ERICH6: variants seen among roughly 807,000 people sequenced by gnomAD.
ERICH6 encodes glutamate-rich protein 6.
ERICH6 carries 71 observed loss-of-function variants against 71.0 expected under a neutral mutation model. That is an observed-to-expected ratio of 1.00 (90% confidence interval 0.83 to 1.22). The LOEUF (loss-of-function observed/expected upper bound fraction) is 1.22. ERICH6 is among the 50% of genes most tolerant of loss of function. The pLI is 0.00. For missense variants in ERICH6, 808 were observed against 797.2 expected (o/e 1.01, Z -0.16); for synonymous variants, 262 against 278.4 (o/e 0.94, Z 0.59).
At chr3:150,661,851 A>G (rs943879380) in intron 13 of ERICH6, among the ~76,000 whole-genome samples, 11 of 152,146 alleles carry the variant, frequency 7.2e-5, no homozygotes, top group African/African-American at 2.7e-4. Context: ...ACTACACTCC[A>G]GCCTGGGTGA....
At chr3:150,682,124 T>G in intron 7 of ERICH6, 94 bp downstream of exon 7, 1 of 1,126,160 alleles carries the variant, frequency 8.9e-7, no homozygotes, top group Non-Finnish European at 1.3e-6. Context: ...CTAACTCTTT[T>G]AAAAATGGCA....
Position 150,680,828 on chromosome 3 carries a change from C to T in ERICH6, c.985G>A (p.Ala329Thr), listed in dbSNP as rs146843204. ...CTGTCGACCTCACTACCATGGGCTGCATGAGGGTCAATAGCAATTAATTCA... is the reference window on the plus strand; with the variant it reads ...CTGTCGACCTCACTACCATGGGCTGTATGAGGGTCAATAGCAATTAATTCA... ...KAELIAIDPH[A>T]AHGSEVDRLK... Residue 329 changes from alanine (A) to threonine (T), a missense_variant, in exon 8 of 14, where the codon GCA (alanine) becomes ACA (threonine). Around this residue, in one of 3 missense-constraint regions of ERICH6, gnomAD observed 736 missense variants for 712.2 expected, o/e 1.03. Coordinates refer to ENST00000295910, the MANE Select transcript of ERICH6 (RefSeq NM_152394.5). 4 of 1,613,990 alleles carry T rather than the reference C, an allele frequency of 2.5e-6. No homozygotes were observed. The highest frequency in any genetic ancestry group is 3.4e-6 in the Non-Finnish European group (4 of 1,179,994).
At chr3:150,702,876 T>C (rs1415511829) in intron 1 of ERICH6, among the ~76,000 whole-genome samples, 1 of 137,780 alleles carries the variant, frequency 7.3e-6, no homozygotes, top group Non-Finnish European at 1.5e-5. Flanking sequence ...GGCACTTCTC[T>C]GGAAATAATA....
At chr3:150,667,077 T>C (rs1727450576) in intron 12 of ERICH6, 62 bp from the exon 13 acceptor site, 2 of 1,469,598 alleles carry the variant, frequency 1.4e-6, no homozygotes, top group Non-Finnish European at 1.9e-6. Flanking sequence ...ACTGGAATTA[T>C]CCCTGTCACT....
intron 7 of ERICH6, 34 bp from the exon 8 acceptor site, chr3:150,680,964 GTC>G: frequency 6.4e-7 from 1 of 1,566,300 alleles, no homozygotes; most frequent in Admixed American, 1.9e-5. Flanking sequence ...CATCTCATTA[GTC>G]CTAGATGAGG....
At chr3:150,691,960 G>T (rs1443787920) in intron 3 of ERICH6, among the ~76,000 whole-genome samples, 1 of 151,944 alleles carries the variant, frequency 6.6e-6, no homozygotes, top group Non-Finnish European at 1.5e-5. Context: ...ACTCCTCAAG[G>T]CCCAGGGACT....
chr3:150,674,930 C>A (rs180706244), intron 10 of ERICH6, among the ~76,000 whole-genome samples: 5 of 151,802 alleles, frequency 3.3e-5, no homozygotes, highest in Non-Finnish European at 7.4e-5. Context: ...GTCAGAAGTT[C>A]GAGACCAGCC....
chr3:150,686,219 C>T, intron 4 of ERICH6, 79 bp downstream of exon 4: 3 of 1,506,002 alleles, frequency 2.0e-6, no homozygotes, highest in South Asian at 2.3e-5. Context: ...AGCAGATGGG[C>T]TCTGTGCGAG....
rs766151853 is a variant in ERICH6 at position 150,685,820 on chromosome 3, T to C, written c.705A>G (p.Leu235=). ...EDFITLFEPS[L]RTLPSIGPPS... Reference sequence around the variant, plus strand: ...GTGGTCCGATGCTGGGTAACGTTCTTAGAGAAGGCTCGAACAGTGTTATGA... The same window carrying C: ...GTGGTCCGATGCTGGGTAACGTTCTCAGAGAAGGCTCGAACAGTGTTATGA... The change falls in exon 6 of 14, where the codon CTA becomes CTG. Residue 235 remains leucine, a synonymous_variant. Transcript: ENST00000295910. 8 of 1,614,058 alleles carry C rather than the reference T, an allele frequency of 5.0e-6. No homozygotes were observed. In the South Asian group the frequency reaches 6.6e-5, roughly 13 times the overall value.
intron 12 of ERICH6, 129 bp downstream of exon 12, chr3:150,669,167 A>G: frequency 9.9e-7 from 1 of 1,005,206 alleles, no homozygotes; most frequent in Non-Finnish European, 1.4e-6. Flanking sequence ...TCTGAGTTGA[A>G]CATTACCATC....
intron 1 of ERICH6, among the ~76,000 whole-genome samples, chr3:150,703,100 T>C (rs1468230388): frequency 6.6e-6 from 1 of 151,458 alleles, no homozygotes; most frequent in Non-Finnish European, 1.5e-5. Context: ...CCAGATTAGC[T>C]GGGTGTGGTG....
Position 150,702,181 on chromosome 3 carries a change from G to A in ERICH6, c.404-3C>T, listed in dbSNP as rs974394675. The A allele has an allele frequency of 3.2e-6, 5 of 1,540,302 alleles. No homozygotes were observed. The highest frequency in any genetic ancestry group is 4.4e-6 in the Non-Finnish European group (5 of 1,131,292). On this transcript the variant is annotated splice_region_variant and splice_polypyrimidine_tract_variant and intron_variant, in intron 1 of 13. Transcript: ENST00000295910. ...TGTCTGAAATATTTTAGGGAAACCT[G>A]TTGAATGAAACATTTAAAAATCAGC...
chr3:150,688,078 AC>A (rs948908497), intron 3 of ERICH6, among the ~76,000 whole-genome samples: 3 of 152,174 alleles, frequency 2.0e-5, no homozygotes, highest in African/African-American at 7.2e-5. Context: ...AGATCACGCC[AC>A]TGCACTGAAG....
Position 150,686,336 on chromosome 3 carries a change from T to C in ERICH6, c.572A>G (p.Glu191Gly), listed in dbSNP as rs1712187426. ...TGCCAGACATTCAGGTTCAGCTTTCTCTTTAGAGGCTTTCTTCCCTGTGAA... is the reference window on the plus strand; with the variant it reads ...TGCCAGACATTCAGGTTCAGCTTTCCCTTTAGAGGCTTTCTTCCCTGTGAA... ...KVQSRKKASK[E>G]KAEPECLASK... The change falls in exon 4 of 14, where the codon GAG becomes GGG. Residue 191 changes from glutamate to glycine, a missense_variant. Coordinates refer to ENST00000295910, the MANE Select transcript of ERICH6 (RefSeq NM_152394.5). 6.2e-7 allele frequency: 1 copy of C among 1,614,168 alleles called. No individual in the cohort carries two copies. The highest frequency in any genetic ancestry group is 8.5e-7 in the Non-Finnish European group (1 of 1,180,008).
At chr3:150,692,874 T>G (rs1029200220) in intron 3 of ERICH6, among the ~76,000 whole-genome samples, 3 of 152,124 alleles carry the variant, frequency 2.0e-5, no homozygotes, top group African/African-American at 7.2e-5. Context: ...CAAATGCAGG[T>G]TTCTGATAAC....
intron 11 of ERICH6, 77 bp from the exon 12 acceptor site, chr3:150,669,528 G>A (rs1181165449): frequency 1.4e-6 from 2 of 1,477,192 alleles, no homozygotes; most frequent in African/African-American, 2.8e-5. Flanking sequence ...TTATGAGAGA[G>A]CACTCTGAAA....
At chr3:150,677,084 T>C (rs1208576135) in intron 10 of ERICH6, among the ~76,000 whole-genome samples, 1 of 152,180 alleles carries the variant, frequency 6.6e-6, no homozygotes, top group Non-Finnish European at 1.5e-5. Flanking sequence ...AGTGCTAGGA[T>C]TACAGGCGTG....
At chr3:150,663,771 C>T (rs1174254156) in intron 13 of ERICH6, among the ~76,000 whole-genome samples, 1 of 152,114 alleles carries the variant, frequency 6.6e-6, no homozygotes, top group African/African-American at 2.4e-5. Flanking sequence ...AGCCACCGCG[C>T]CTGGCCTGTG....
At chr3:150,672,212 T>C in intron 11 of ERICH6, among the ~76,000 whole-genome samples, 1 of 138,962 alleles carries the variant, frequency 7.2e-6, no homozygotes, top group East Asian at 2.2e-4. Flanking sequence ...TATAATTTCA[T>C]TATGTAAAGG....
Sources: gnomAD v4.1 joint callset for allele counts (sites outside exome capture counted in the v4.1 genomes callset) on GRCh38, gnomAD v4.1.1 for gene constraint, gnomAD v4.1.1 regional missense constraint, MANE v1.5 for transcripts, NCBI Gene and HGNC (gene_info 2026-07-23, HGNC 2026-07-21) for gene names.